The following NIBAN1 variants were observed in gnomAD, a reference collection of about 807,000 sequenced individuals.
NIBAN1 encodes the protein protein Niban 1.
Under a neutral mutation model 75.1 loss-of-function variants are expected in NIBAN1, and 81 were observed. The ratio of observed to expected loss-of-function variants is 1.08; its 90% CI spans 0.90 to 1.30. The LOEUF is 1.30. NIBAN1 is among the 50% of genes most tolerant of loss of function. The pLI, the probability that NIBAN1 is intolerant of heterozygous loss-of-function variation, is 0.00. For synonymous variants in NIBAN1, 436 were observed against 424.8 expected (o/e 1.03, Z -0.32); for missense variants, 1,133 against 1,128.1 (o/e 1.00, Z -0.06).
At chr1:184,893,288 G>C (rs1209113109) in intron 3 of NIBAN1, among the ~76,000 whole-genome samples, 1 of 152,116 alleles carries the variant, frequency 6.6e-6, no homozygotes, top group Non-Finnish European at 1.5e-5. Context: ...CTTGTCAACA[G>C]GTTCATTTCT....
At chr1:184,920,240 G>A (rs76702969) in intron 1 of NIBAN1, among the ~76,000 whole-genome samples, 7 of 152,180 alleles carry the variant, frequency 4.6e-5, no homozygotes, top group Non-Finnish European at 8.8e-5. Flanking sequence ...ATGGCTATTT[G>A]AAGCGATCAT....
rs190406138 is a variant in NIBAN1 at position 184,834,137 on chromosome 1, C to G, written c.602-2175G>C. ...GGTTTTCTGTCCTTGTGATAGTTTGCTCAGAATGACAGTTTCCAGCTTCAT... is the reference window on the plus strand; with the variant it reads ...GGTTTTCTGTCCTTGTGATAGTTTGGTCAGAATGACAGTTTCCAGCTTCAT... On this transcript the variant is annotated intron_variant, in intron 5 of 13. Transcript: ENST00000367511. Among the ~76,000 whole-genome samples the G allele has an allele frequency of 1.4e-4, 22 of 151,872 alleles. No individual in the cohort carries two copies. The East Asian group carries it at 3.7e-3, about 25-fold the overall frequency.
At chr1:184,964,918 T>G (rs913364399) in intron 1 of NIBAN1, among the ~76,000 whole-genome samples, 3 of 152,120 alleles carry the variant, frequency 2.0e-5, no homozygotes, top group Non-Finnish European at 2.9e-5. Flanking sequence ...CAACCCCCAG[T>G]GAATTAATGG....
intron 13 of NIBAN1, 89 bp downstream of exon 13, chr1:184,797,989 CT>C: frequency 1.5e-6 from 1 of 674,236 alleles, no homozygotes; most frequent in Admixed American, 3.0e-5. Flanking sequence ...TTCCTCTTCT[CT>C]TTTCCTCCCT....
chr1:184,803,665 G>A lies in NIBAN1; in HGVS notation c.1474C>T (p.Arg492Ter), dbSNP rs1175895614. The A allele has an allele frequency of 1.2e-5, 19 of 1,613,948 alleles. No homozygotes were observed. Among genetic ancestry groups the A allele is most frequent in the Admixed American group, 8.3e-5 (5 of 60,002 alleles). The change falls in exon 12 of 14, where the codon CGA (arginine) becomes TGA (stop). Residue 492 changes from arginine (R) to a stop codon, truncating the protein, a stop_gained. Coordinates refer to ENST00000367511, the MANE Select transcript of NIBAN1 (RefSeq NM_052966.4). LOFTEE classifies it high-confidence loss of function. ...KQYDYDSSTI[R>*]KKIFQEALVQ... is the part of the protein sequence containing the mutation. ...AGTGCCTCTTGAAATATCTTCTTTCGGATGGTGCTGCTGTCATAATCATAT... is the reference window on the plus strand; with the variant it reads ...AGTGCCTCTTGAAATATCTTCTTTCAGATGGTGCTGCTGTCATAATCATAT...
chr1:184,793,763 A>T lies in NIBAN1; in HGVS notation c.*1214T>A, dbSNP rs981861627. The T allele has an allele frequency of 6.6e-6, 1 of 152,182 alleles. No individual in the cohort carries two copies. The highest frequency in any genetic ancestry group is 2.4e-5 in the African/African-American group (1 of 41,442). The allele number at this position is 152,182 out of a possible 1,614,324, so 9.4% of individuals were successfully genotyped here. A position where few individuals can be genotyped will look rare whatever the true frequency, so the allele number is the denominator to read the frequency against. ...AAGAAGATGTGTTTTGTCTATTTCC[A>T]TTAAAATGTAAGTTCTAGGAGGAAG... On this transcript the variant is annotated 3_prime_UTR_variant, in exon 14 of 14. Transcript: ENST00000367511.
In NIBAN1 at chr1:184,947,073, C is replaced by CAAAAAAAAAAGAAAAAAG. The variant is rs368783783; in HGVS notation, c.55+27228_55+27229insCTTTTTTCTTTTTTTTTT. Among the ~76,000 whole-genome samples the CAAAAAAAAAAGAAAAAAG allele has an allele frequency of 1.6e-4, 24 of 147,878 alleles. 1 individual carries two copies. In the East Asian group the frequency reaches 3.0e-3, roughly 18 times the overall value. On this transcript the variant is annotated intron_variant, in intron 1 of 13. Coordinates refer to ENST00000367511, the MANE Select transcript of NIBAN1 (RefSeq NM_052966.4). ...GGGCAACAAGAGCAAAACTCCATCTCAAAAAGAAAAGAAAAGAAAAGAAAT... is the reference window on the plus strand; with the variant it reads ...GGGCAACAAGAGCAAAACTCCATCTCAAAAAAAAAAGAAAAAAGAAAAAGAAAAGAAAAGAAAAGAAAT...
At chr1:184,798,002 A>T in intron 13 of NIBAN1, 77 bp downstream of exon 13, 1 of 772,638 alleles carries the variant, frequency 1.3e-6, no homozygotes, top group Non-Finnish European at 2.0e-6. Flanking sequence ...TTCCTCCCTG[A>T]CTGGCCTTAC....
Position 184,823,508 on chromosome 1 carries a change from C to T in NIBAN1, c.822+130G>A, listed in dbSNP as rs75823531. On this transcript the variant is annotated intron_variant, in intron 7 of 13. Transcript: ENST00000367511. ...CAGTCTTCTTGTAAGTGAGACTCAG[C>T]AGGTTCGAAGTAGGCATTTCTACAC... 5.1e-3 allele frequency: 6,356 copies of T among 1,238,294 alleles called. 225 individuals carry two copies. In the African/African-American group the frequency reaches 0.078, roughly 15 times the overall value. 76.7% of individuals were successfully genotyped at this position (1,238,294 alleles called of 1,614,324 possible).
intron 1 of NIBAN1, among the ~76,000 whole-genome samples, chr1:184,906,075 A>C (rs1657094116): frequency 1.3e-5 from 2 of 149,334 alleles, no homozygotes; most frequent in African/African-American, 5.1e-5. Flanking sequence ...TTGACTCTAC[A>C]AAAAAAAATT....
intron 5 of NIBAN1, among the ~76,000 whole-genome samples, chr1:184,856,792 G>A (rs955659513): frequency 6.6e-6 from 1 of 152,186 alleles, no homozygotes. Flanking sequence ...CACAAGGCAG[G>A]TGCCTGGTAA....
intron 1 of NIBAN1, among the ~76,000 whole-genome samples, chr1:184,958,635 C>A (rs986293969): frequency 6.6e-6 from 1 of 152,178 alleles, no homozygotes; most frequent in Non-Finnish European, 1.5e-5. Context: ...ACTTGCCTGG[C>A]ACATAGTAGG....
At position 184,795,647 on chromosome 1, in the gene NIBAN1, G is replaced by A. The variant is rs367621751; in HGVS notation, c.2117C>T (p.Ser706Leu). 9 of 1,614,024 alleles carry A rather than the reference G, an allele frequency of 5.6e-6. No individual in the cohort carries two copies. The highest frequency in any genetic ancestry group is 2.7e-5 in the African/African-American group (2 of 74,916). The part of the protein sequence containing the change: ...AQEEPEPITA[S>L]GSLKALRKLL... ...CTTTCTGAGCGCCTTCAAAGAACCC[G>A]AGGCAGTGATGGGTTCTGGCTCTTC... The change falls in exon 14 of 14, where the codon TCG becomes TTG. Residue 706 changes from serine (S) to leucine (L), a missense_variant. Physicochemically the swap from Ser to Leu is moderately radical, Grantham distance 145 (BLOSUM62 -2). Transcript: ENST00000367511.
In NIBAN1 at chr1:184,965,614, A is replaced by T. The variant is rs1658762791; in HGVS notation, c.55+8688T>A. ...GATAGGTAAGTACACATGGACACAT[A>T]GAAGGGAACAATAGACACTGAGCCC... On this transcript the variant is annotated intron_variant, in intron 1 of 13. Transcript: ENST00000367511. Among the ~76,000 whole-genome samples, 4 of 152,346 alleles carry T rather than the reference A, an allele frequency of 2.6e-5. No homozygotes were observed. In the South Asian group the frequency reaches 8.3e-4, roughly 32 times the overall value.
intron 9 of NIBAN1, among the ~76,000 whole-genome samples, chr1:184,811,785 C>T (rs1384688816): frequency 6.6e-6 from 1 of 152,162 alleles, no homozygotes; most frequent in South Asian, 2.1e-4. Context: ...AGCCACTGCG[C>T]CCGGCTGCAT....
chr1:184,972,983 C>G (rs114229571), intron 1 of NIBAN1, among the ~76,000 whole-genome samples: 2 of 152,372 alleles, frequency 1.3e-5, no homozygotes, highest in Non-Finnish European at 2.9e-5. Flanking sequence ...TTTCTCACTA[C>G]GTTCTGTTGA....
intron 1 of NIBAN1, among the ~76,000 whole-genome samples, chr1:184,964,951 G>T (rs1330195456): frequency 2.6e-5 from 4 of 152,128 alleles, no homozygotes; most frequent in African/African-American, 9.7e-5. Context: ...AGTATCAATG[G>T]AACAGCTACT....
chr1:184,938,317 A>G (rs915472493), intron 1 of NIBAN1, among the ~76,000 whole-genome samples: 6 of 152,172 alleles, frequency 3.9e-5, no homozygotes, highest in Non-Finnish European at 8.8e-5. Context: ...AGAATTTACT[A>G]TTTAGTGGGG....
chr1:184,960,754 A>T (rs1658614076), intron 1 of NIBAN1, among the ~76,000 whole-genome samples: 1 of 151,962 alleles, frequency 6.6e-6, no homozygotes, highest in Admixed American at 6.6e-5. Context: ...TCAGCCTCCA[A>T]AGTAGCTGGG....
Sources: allele counts gnomAD v4.1 joint callset (sites outside exome capture counted in the v4.1 genomes callset), GRCh38; gene constraint gnomAD v4.1.1; transcripts MANE v1.5; gene names NCBI Gene and HGNC (gene_info 2026-07-23, HGNC 2026-07-21).